TMEFF2: variants seen among roughly 807,000 people sequenced by gnomAD.
TMEFF2 encodes the protein transmembrane protein with EGF like and two follistatin like domains 2, also known as tomoregulin-2.
In TMEFF2, 28 loss-of-function variants were observed where a neutral mutation model predicts 53.8. The observed-to-expected ratio is 0.52, with a 90% confidence interval of 0.39 to 0.71. The LOEUF (loss-of-function observed/expected upper bound fraction) is 0.71, where lower values mean the gene tolerates loss of function less well. Among genes scored for constraint, TMEFF2 ranks in the 30% least tolerant of loss-of-function variants. The pLI, the probability that TMEFF2 is intolerant of heterozygous loss-of-function variation, is 0.00. For synonymous variants in TMEFF2, 162 were observed against 166.3 expected (o/e 0.97, Z 0.20); for missense variants, 353 against 455.2 (o/e 0.78, Z 2.04).
At chr2:192,129,973 C>G (rs575668695) in intron 4 of TMEFF2, among the ~76,000 whole-genome samples, 1 of 152,156 alleles carries the variant, frequency 6.6e-6, no homozygotes, top group Non-Finnish European at 1.5e-5. Context: ...TTAACTGCAA[C>G]TGTATTATTT....
chr2:192,108,350 A>C (rs1031385884), intron 4 of TMEFF2, among the ~76,000 whole-genome samples: 1 of 151,932 alleles, frequency 6.6e-6, no homozygotes, highest in Non-Finnish European at 1.5e-5. Flanking sequence ...ATCCACATGT[A>C]TGAAAGACAG....
intron 5 of TMEFF2, among the ~76,000 whole-genome samples, chr2:192,045,403 T>A (rs569771358): frequency 6.6e-6 from 1 of 152,188 alleles, no homozygotes; most frequent in Non-Finnish European, 1.5e-5. Context: ...AGAAGGAAAT[T>A]TGGGGAAGAA....
chr2:192,145,255 T>A (rs1047129035), intron 4 of TMEFF2, among the ~76,000 whole-genome samples: 1 of 151,946 alleles, frequency 6.6e-6, no homozygotes, highest in African/African-American at 2.4e-5. Context: ...AATACATACT[T>A]GTGTTTATAA....
chr2:191,952,932 G>A (rs1691931933), intron 9 of TMEFF2, among the ~76,000 whole-genome samples: 1 of 152,142 alleles, frequency 6.6e-6, no homozygotes, highest in African/African-American at 2.4e-5. Context: ...AAGTCAGTAA[G>A]GACTATCTTC....
intron 4 of TMEFF2, among the ~76,000 whole-genome samples, chr2:192,141,519 G>A (rs1292210361): frequency 6.7e-6 from 1 of 150,120 alleles, no homozygotes; most frequent in Non-Finnish European, 1.5e-5. Flanking sequence ...TCTCAAACAT[G>A]CATTTGACTT....
At chr2:192,051,517 G>C (rs1190593299) in intron 5 of TMEFF2, among the ~76,000 whole-genome samples, 1 of 151,994 alleles carries the variant, frequency 6.6e-6, no homozygotes, top group East Asian at 1.9e-4. Context: ...AACCAGGAGT[G>C]GTTTTAAATA....
intron 5 of TMEFF2, chr2:192,037,765 C>T (rs563370997): frequency 6.6e-6 from 1 of 152,286 alleles, no homozygotes; most frequent in African/African-American, 2.4e-5. Context: ...TGGCTACATG[C>T]ACTTTTCTAA....
At chr2:192,097,386 A>G (rs199701670) in intron 4 of TMEFF2, among the ~76,000 whole-genome samples, 2 of 152,342 alleles carry the variant, frequency 1.3e-5, no homozygotes, top group East Asian at 3.9e-4. Flanking sequence ...AAGAGCATAT[A>G]TTCCTTAACA....
intron 5 of TMEFF2, among the ~76,000 whole-genome samples, chr2:192,053,122 A>T (rs754593353): frequency 6.4e-4 from 97 of 152,222 alleles, no homozygotes; most frequent in Non-Finnish European, 8.4e-4. Context: ...ATTAGATTAC[A>T]AGCCATCTGT....
At chr2:192,084,453 G>GT (rs928926389) in intron 4 of TMEFF2, among the ~76,000 whole-genome samples, 16 of 151,158 alleles carry the variant, frequency 1.1e-4, no homozygotes, top group African/African-American at 3.9e-4. Flanking sequence ...AAGCATCCAT[G>GT]TAAAAAAAAG....
chr2:192,018,600 T>C (rs950557347), intron 5 of TMEFF2, among the ~76,000 whole-genome samples: 2 of 152,192 alleles, frequency 1.3e-5, no homozygotes, highest in African/African-American at 4.8e-5. Flanking sequence ...GGGGATCAGC[T>C]GGAAATAGTG....
At chr2:192,042,716 G>T (rs1244335818) in intron 5 of TMEFF2, among the ~76,000 whole-genome samples, 1 of 152,142 alleles carries the variant, frequency 6.6e-6, no homozygotes, top group Non-Finnish European at 1.5e-5. Context: ...TTGGTTGCTT[G>T]GTTGACTGAA....
intron 5 of TMEFF2, among the ~76,000 whole-genome samples, chr2:192,049,730 G>T (rs578146063): frequency 6.6e-6 from 1 of 152,178 alleles, no homozygotes; most frequent in Non-Finnish European, 1.5e-5. Context: ...GGCCAGGTGC[G>T]ATGGCTTATA....
intron 7 of TMEFF2, chr2:191,992,667 G>T (rs764678076): frequency 6.6e-6 from 1 of 151,912 alleles, no homozygotes; most frequent in Non-Finnish European, 1.5e-5. Flanking sequence ...TTTACTTTCT[G>T]TTTATTTTTA....
At chr2:191,987,603 C>T (rs1686011201) in intron 7 of TMEFF2, among the ~76,000 whole-genome samples, 1 of 152,060 alleles carries the variant, frequency 6.6e-6, no homozygotes, top group South Asian at 2.1e-4. Flanking sequence ...GACAGGATTT[C>T]ACCATGTTGC....
chr2:192,145,599 G>A (rs893230973), intron 4 of TMEFF2, among the ~76,000 whole-genome samples: 2 of 151,858 alleles, frequency 1.3e-5, no homozygotes, highest in Admixed American at 6.6e-5. Context: ...TTTGGGGATG[G>A]CTCTTCTGCA....
chr2:192,078,766 G>C (rs1688488883), intron 4 of TMEFF2, among the ~76,000 whole-genome samples: 1 of 152,222 alleles, frequency 6.6e-6, no homozygotes, highest in East Asian at 1.9e-4. Context: ...GACTATATCA[G>C]TTCTGGTCTG....
At chr2:192,137,341 A>C (rs1690034525) in intron 4 of TMEFF2, among the ~76,000 whole-genome samples, 1 of 152,244 alleles carries the variant, frequency 6.6e-6, no homozygotes, top group Non-Finnish European at 1.5e-5. Flanking sequence ...GGCCTGGGGC[A>C]GAAAAGTCCA....
chr2:191,959,597 C>G (rs970983843), intron 7 of TMEFF2, among the ~76,000 whole-genome samples: 14 of 136,804 alleles, frequency 1.0e-4, no homozygotes, highest in African/African-American at 3.9e-4. Flanking sequence ...GCAGTTCAGA[C>G]TTAAATCAAT....
Sources: allele counts gnomAD v4.1 joint callset (sites outside exome capture counted in the v4.1 genomes callset), GRCh38; gene constraint gnomAD v4.1.1; transcripts MANE v1.5; gene names NCBI Gene and HGNC (gene_info 2026-07-23, HGNC 2026-07-21).